Variants in CSMD1 observed in about 807,000 individuals in gnomAD.
The protein encoded by CSMD1 is CUB and sushi domain-containing protein 1.
Under a neutral mutation model 417.5 loss-of-function variants are expected in CSMD1, and 213 were observed. That is an observed-to-expected ratio of 0.51 (90% CI 0.46 to 0.57). The LOEUF (loss-of-function observed/expected upper bound fraction) is 0.57, where lower values mean the gene tolerates loss of function less well. Among genes scored for constraint, CSMD1 ranks in the 20% least tolerant of loss-of-function variants. The probability of loss-of-function intolerance (pLI) is 0.00; values close to 1 mark genes in which losing one functional copy is unlikely to be tolerated. For synonymous variants in CSMD1, 2,862 were observed against 1,736.8 expected (o/e 1.65, Z -16.11); for missense variants, 6,923 against 4,529.7 (o/e 1.53, Z -15.17).
intron 3 of CSMD1, among the ~76,000 whole-genome samples, chr8:4,065,159 C>G (rs1467633864): frequency 6.6e-6 from 1 of 152,166 alleles, no homozygotes; most frequent in African/African-American, 2.4e-5. Context: ...TTTACTGACA[C>G]TATTTACACA....
intron 4 of CSMD1, among the ~76,000 whole-genome samples, chr8:3,999,295 G>C (rs957882340): frequency 8.5e-5 from 13 of 152,100 alleles, no homozygotes; most frequent in African/African-American, 2.4e-4. Flanking sequence ...TGTAAGCAGA[G>C]GTTGTGTGAC....
chr8:3,660,315 T>C (rs1294671511), intron 7 of CSMD1, among the ~76,000 whole-genome samples: 1 of 152,080 alleles, frequency 6.6e-6, no homozygotes, highest in Non-Finnish European at 1.5e-5. Context: ...GGTAACTGTG[T>C]CCACCTTACA....
chr8:4,900,725 C>G (rs1222008884), intron 1 of CSMD1, among the ~76,000 whole-genome samples: 1 of 152,216 alleles, frequency 6.6e-6, no homozygotes, highest in Non-Finnish European at 1.5e-5. Flanking sequence ...CTCTTCCACT[C>G]ACGGAGTTAA....
chr8:4,525,747 G>A (rs1023578055), intron 2 of CSMD1, among the ~76,000 whole-genome samples: 2 of 152,172 alleles, frequency 1.3e-5, no homozygotes, highest in African/African-American at 4.8e-5. Context: ...CATGGGCAAT[G>A]CTTATTTCAC....
chr8:3,144,901 C>T (rs115195469), intron 40 of CSMD1, among the ~76,000 whole-genome samples: 1,679 of 151,878 alleles, frequency 0.011, 34 homozygotes, highest in African/African-American at 0.038. Context: ...GTGACAGCTG[C>T]GCTCCTGGAC....
intron 3 of CSMD1, among the ~76,000 whole-genome samples, chr8:4,291,778 G>A (rs1286258334): frequency 1.3e-5 from 2 of 152,180 alleles, no homozygotes; most frequent in African/African-American, 4.8e-5. Context: ...CTACTTTTAA[G>A]AGCTAATATA....
intron 1 of CSMD1, among the ~76,000 whole-genome samples, chr8:4,726,423 G>T (rs149346523): frequency 4.2e-4 from 64 of 152,172 alleles, no homozygotes; most frequent in African/African-American, 1.4e-3. Flanking sequence ...GTAGTTCACA[G>T]AATTTGTTTT....
At chr8:4,601,983 C>G (rs1307843429) in intron 2 of CSMD1, among the ~76,000 whole-genome samples, 1 of 152,134 alleles carries the variant, frequency 6.6e-6, no homozygotes, top group South Asian at 2.1e-4. Flanking sequence ...CAACTGTACT[C>G]TCTGAAAGCT....
chr8:4,312,396 T>TATATATATATATAC lies in CSMD1; in HGVS notation c.415+107556_415+107557insGTATATATATATAT, dbSNP rs1159507543. Among the ~76,000 whole-genome samples the TATATATATATATAC allele has an allele frequency of 4.4e-3, 440 of 99,034 alleles. 43 individuals are homozygous for TATATATATATATAC. The highest frequency in any genetic ancestry group is 0.033 in the African/African-American group (419 of 12,836). 65.0% of individuals were successfully genotyped at this position (99,034 alleles called of 152,430 possible). A position where few individuals can be genotyped will look rare whatever the true frequency, so the allele number is the denominator to read the frequency against. Reference sequence around the variant, plus strand: ...GAACAAATATATATATATATATACATACATATATATGCGTGTATATATATG... The same window carrying TATATATATATATAC: ...GAACAAATATATATATATATATACATATATATATATATACACATATATATGCGTGTATATATATG... On this transcript the variant is annotated intron_variant, in intron 3 of 69. Transcript: ENST00000635120.
chr8:3,773,651 T>G (rs1382190419), intron 5 of CSMD1, among the ~76,000 whole-genome samples: 1 of 152,164 alleles, frequency 6.6e-6, no homozygotes, highest in Non-Finnish European at 1.5e-5. Flanking sequence ...TTTATTCAAT[T>G]TTGGCCTTAT....
At chr8:3,678,584 G>C (rs1216407350) in intron 7 of CSMD1, among the ~76,000 whole-genome samples, 1 of 152,260 alleles carries the variant, frequency 6.6e-6, no homozygotes, top group African/African-American at 2.4e-5. Context: ...GAGTGACGGG[G>C]AGAATGGAAA....
intron 2 of CSMD1, among the ~76,000 whole-genome samples, chr8:4,489,263 G>A (rs574828753): frequency 3.9e-4 from 59 of 152,242 alleles, no homozygotes; most frequent in African/African-American, 1.1e-3. Context: ...CTTTTTCTAA[G>A]AATAAGCAAG....
At chr8:3,507,876 T>G (rs1210002071) in intron 10 of CSMD1, among the ~76,000 whole-genome samples, 1 of 152,196 alleles carries the variant, frequency 6.6e-6, no homozygotes, top group African/African-American at 2.4e-5. Context: ...CTTGCAAATT[T>G]GTTTGAGTTC....
chr8:4,504,759 T>C (rs1802434815), intron 2 of CSMD1, among the ~76,000 whole-genome samples: 1 of 152,170 alleles, frequency 6.6e-6, no homozygotes, highest in South Asian at 2.1e-4. Context: ...TGTGTTAGTT[T>C]GCTGAGAATG....
rs541071327 is a variant in CSMD1, at chr8:3,900,842, T to G, written c.818+97061A>C. 4.6e-5 allele frequency among the ~76,000 whole-genome samples: 7 copies of G among 152,350 alleles called. No homozygotes were observed. The South Asian group carries it at 1.2e-3, about 27-fold the overall frequency. Reference sequence around the variant, plus strand: ...TCTGTTCCAGAGCTTGCTCTTCTCATTTCCGAGCATTACTTTTTCAGCCAG... The same window carrying G: ...TCTGTTCCAGAGCTTGCTCTTCTCAGTTCCGAGCATTACTTTTTCAGCCAG... On this transcript the variant is annotated intron_variant, in intron 5 of 69. Coordinates refer to ENST00000635120, the MANE Select transcript of CSMD1 (RefSeq NM_033225.6).
intron 1 of CSMD1, among the ~76,000 whole-genome samples, chr8:4,939,530 A>T (rs1212253878): frequency 2.0e-5 from 3 of 152,236 alleles, no homozygotes; most frequent in African/African-American, 7.2e-5. Context: ...CATTAAATGA[A>T]ATGAGCCAGG....
chr8:4,716,248 C>T (rs1808648390), intron 1 of CSMD1, among the ~76,000 whole-genome samples: 1 of 152,204 alleles, frequency 6.6e-6, no homozygotes, highest in Non-Finnish European at 1.5e-5. Context: ...AATCCTTACA[C>T]TTCAAGACAA....
At chr8:2,948,902 A>AAT (rs919620748) in intron 68 of CSMD1, among the ~76,000 whole-genome samples, 2 of 151,738 alleles carry the variant, frequency 1.3e-5, no homozygotes, top group African/African-American at 2.4e-5. Context: ...TTACTATATA[A>AAT]ATATATATAT....
chr8:4,828,840 A>G (rs537163657), intron 1 of CSMD1, among the ~76,000 whole-genome samples: 2 of 152,278 alleles, frequency 1.3e-5, no homozygotes, highest in South Asian at 4.1e-4. Context: ...TTGTAGCTCA[A>G]TACTGCCCAC....
Sources: gnomAD v4.1 joint callset for allele counts (sites outside exome capture counted in the v4.1 genomes callset) on GRCh38, gnomAD v4.1.1 for gene constraint, MANE v1.5 for transcripts, NCBI Gene and HGNC (gene_info 2026-07-23, HGNC 2026-07-21) for gene names.